Variants in ZNF44 observed in about 807,000 individuals in gnomAD.
ZNF44 encodes gonadotropin inducible transcription repressor-2.
Under a neutral mutation model 11.7 loss-of-function variants are expected in ZNF44, and 9 were observed. That is an observed-to-expected ratio of 0.77 (90% CI 0.46 to 1.35). The LOEUF is 1.35. Among genes scored for constraint, ZNF44 ranks in the 40% most tolerant of loss-of-function variants. ZNF44 has a pLI of 0.00. For synonymous variants in ZNF44, 224 were observed against 242.7 expected (o/e 0.92, Z 0.72); for missense variants, 696 against 743.1 (o/e 0.94, Z 0.74).
intron 5 of ZNF44, among the ~76,000 whole-genome samples, chr19:12,255,031 G>C (rs1194396881): frequency 6.7e-6 from 1 of 150,096 alleles, no homozygotes; most frequent in East Asian, 1.9e-4. Flanking sequence ...AGAGGTTGTG[G>C]TGAACCAAGA....
chr19:12,268,991 G>A (rs1015372782), downstream of ZNF44, among the ~76,000 whole-genome samples: 3 of 151,968 alleles, frequency 2.0e-5, no homozygotes, highest in Non-Finnish European at 4.4e-5. Context: ...TGATCCTCCT[G>A]CCTTAGCCTC....
chr19:12,256,724 G>A (rs544896333), intron 5 of ZNF44, among the ~76,000 whole-genome samples: 3 of 127,648 alleles, frequency 2.4e-5, no homozygotes, highest in South Asian at 5.0e-4. Flanking sequence ...TTTTTGAGAC[G>A]GAGTCTTGCT....
At chr19:12,249,794 C>T (rs954637895) in intron 7 of ZNF44, among the ~76,000 whole-genome samples, 3 of 152,126 alleles carry the variant, frequency 2.0e-5, no homozygotes, top group African/African-American at 4.8e-5. Flanking sequence ...TCAGGTGATC[C>T]GGCTGCCTCA....
chr19:12,243,024 A>C (rs1916671724), downstream of ZNF44, among the ~76,000 whole-genome samples: 1 of 152,216 alleles, frequency 6.6e-6, no homozygotes, highest in South Asian at 2.1e-4. Context: ...AAATTGCCAA[A>C]ATACGTCATG....
intron 5 of ZNF44, among the ~76,000 whole-genome samples, chr19:12,258,900 T>C (rs1352751939): frequency 6.6e-6 from 1 of 152,042 alleles, no homozygotes; most frequent in Non-Finnish European, 1.5e-5. Context: ...TAAGGGCTGT[T>C]GTCTCACCCT....
chr19:12,264,385 C>A (rs1159913177), intron 5 of ZNF44, among the ~76,000 whole-genome samples: 1 of 152,192 alleles, frequency 6.6e-6, no homozygotes, highest in African/African-American at 2.4e-5. Flanking sequence ...GGTGGCCTTA[C>A]CTTCTAGTCA....
intron 1 of ZNF44, among the ~76,000 whole-genome samples, chr19:12,289,097 G>A (rs553196512): frequency 2.0e-5 from 3 of 151,640 alleles, no homozygotes; most frequent in African/African-American, 7.3e-5. Flanking sequence ...TTGAGCCCAG[G>A]AGTTCAAGAC....
At chr19:12,261,173 A>C (rs1193120146) in intron 5 of ZNF44, among the ~76,000 whole-genome samples, 1 of 152,214 alleles carries the variant, frequency 6.6e-6, no homozygotes, top group African/African-American at 2.4e-5. Flanking sequence ...GTTCCTCTGC[A>C]TGGGCAGCTG....
downstream of ZNF44, among the ~76,000 whole-genome samples, chr19:12,271,057 G>A (rs1966931791): frequency 6.6e-6 from 1 of 152,082 alleles, no homozygotes; most frequent in East Asian, 1.9e-4. Context: ...TGATGATGAT[G>A]ATGATGATGA....
upstream of ZNF44, among the ~76,000 whole-genome samples, chr19:12,238,721 G>A (rs979400255): frequency 3.3e-5 from 5 of 152,134 alleles, no homozygotes; most frequent in South Asian, 2.1e-4. Flanking sequence ...ACTTGAACTC[G>A]GGAGGCGGAG....
intron 5 of ZNF44, among the ~76,000 whole-genome samples, chr19:12,259,497 T>G (rs903603860): frequency 2.0e-5 from 3 of 152,236 alleles, no homozygotes; most frequent in African/African-American, 7.2e-5. Flanking sequence ...TTAATACATT[T>G]CCAACTGGGT....
intron 7 of ZNF44, among the ~76,000 whole-genome samples, chr19:12,249,633 G>A (rs1219765718): frequency 2.6e-5 from 4 of 152,054 alleles, no homozygotes; most frequent in Admixed American, 2.6e-4. Context: ...GCTTACTGCA[G>A]CCTCCGCCTC....
intron 7 of ZNF44, among the ~76,000 whole-genome samples, chr19:12,249,060 C>T (rs1916878041): frequency 6.6e-6 from 1 of 151,922 alleles, no homozygotes; most frequent in Non-Finnish European, 1.5e-5. Context: ...TTACAGGCAC[C>T]TGCCATTGCG....
chr19:12,264,154 C>A (rs1478262585), intron 5 of ZNF44, among the ~76,000 whole-genome samples: 1 of 152,164 alleles, frequency 6.6e-6, no homozygotes, highest in Non-Finnish European at 1.5e-5. Flanking sequence ...ACAATTACAA[C>A]CCCAGAAGTA....
At chr19:12,251,097 C>G (rs1004208608) in intron 5 of ZNF44, among the ~76,000 whole-genome samples, 1 of 151,758 alleles carries the variant, frequency 6.6e-6, no homozygotes, top group African/African-American at 2.4e-5. Context: ...TTTGGGAGAC[C>G]GAGGAGGGTG....
At chr19:12,234,667 C>A (rs1225062418) in exon 2 of ZNF44, 1 of 152,220 alleles carries the variant, frequency 6.6e-6, no homozygotes, top group African/African-American at 2.4e-5. Flanking sequence ...GTATCCTCAC[C>A]TATAGAAGCC....
chr19:12,273,921 T>C lies in ZNF44; in HGVS notation c.334A>G (p.Ile112Val). ...CAATTCAGGGATGAATGACCCATTA[T>C]GACTTCTCCATTCACACTGCTTCCA... ...ACGSSVNGEVIMGHSSLNCYI... is the reference protein window; with the variant it reads ...ACGSSVNGEVVMGHSSLNCYI... The change falls in exon 4 of 4, where the codon ATA (isoleucine) becomes GTA (valine). Residue 112 changes from isoleucine (I) to valine (V), a missense_variant. Transcript: ENST00000355684. 3 of 1,614,206 alleles carry C rather than the reference T, an allele frequency of 1.9e-6. No homozygotes were observed. The highest frequency in any genetic ancestry group is 2.5e-6 in the Non-Finnish European group (3 of 1,180,034).
intron 7 of ZNF44, chr19:12,248,806 T>C (rs758359553): frequency 8.4e-6 from 4 of 477,398 alleles, no homozygotes; most frequent in Non-Finnish European, 1.3e-5. Flanking sequence ...TCTAAATTGC[T>C]TGTGAGGTGA....
At chr19:12,254,950 A>G (rs1221529272) in intron 5 of ZNF44, among the ~76,000 whole-genome samples, 1 of 151,772 alleles carries the variant, frequency 6.6e-6, no homozygotes, top group African/African-American at 2.4e-5. Context: ...TTAGCCAGGC[A>G]TGGTGGCACA....
Sources: gnomAD v4.1 joint callset for allele counts (sites outside exome capture counted in the v4.1 genomes callset) on GRCh38, gnomAD v4.1.1 for gene constraint, MANE v1.5 for transcripts, NCBI Gene and HGNC (gene_info 2026-07-23, HGNC 2026-07-21) for gene names.